Variants in FRMD4B observed in about 807,000 individuals in gnomAD.
FRMD4B encodes the protein FERM domain containing 4B.
In FRMD4B, 74 loss-of-function variants were observed where a neutral mutation model predicts 141.5. That is an observed-to-expected ratio of 0.52 (90% CI 0.43 to 0.63). The LOEUF (loss-of-function observed/expected upper bound fraction) is 0.63, where lower values mean the gene tolerates loss of function less well. Among genes scored for constraint, FRMD4B ranks in the 30% least tolerant of loss-of-function variants. FRMD4B has a pLI of 0.00. For missense variants in FRMD4B, 1,366 were observed against 1,253.4 expected (o/e 1.09, Z -1.36); for synonymous variants, 506 against 467.9 (o/e 1.08, Z -1.05).
chr3:69,245,814 C>T (rs1041284452), intron 7 of FRMD4B, among the ~76,000 whole-genome samples: 7 of 148,174 alleles, frequency 4.7e-5, no homozygotes, highest in African/African-American at 1.5e-4. Context: ...CAGGCGTCTG[C>T]GAACGTGCCA....
intron 2 of FRMD4B, among the ~76,000 whole-genome samples, chr3:69,394,991 G>T (rs1021433467): frequency 3.3e-5 from 5 of 152,078 alleles, no homozygotes; most frequent in African/African-American, 1.2e-4. Flanking sequence ...ACGGGGAGGA[G>T]AACATCACAC....
chr3:69,519,408 C>A (rs550815717), intron 1 of FRMD4B, among the ~76,000 whole-genome samples: 26 of 152,086 alleles, frequency 1.7e-4, no homozygotes, highest in African/African-American at 6.0e-4. Context: ...GTGTGTGTGG[C>A]GGGAGCTGGT....
intron 1 of FRMD4B, among the ~76,000 whole-genome samples, chr3:69,336,281 C>T (rs1360235803): frequency 6.6e-6 from 1 of 152,154 alleles, no homozygotes; most frequent in Admixed American, 6.5e-5. Flanking sequence ...CAACTGGAGC[C>T]TGTTAGGAAT....
At chr3:69,391,405 C>G (rs1436351603) in intron 2 of FRMD4B, among the ~76,000 whole-genome samples, 2 of 125,632 alleles carry the variant, frequency 1.6e-5, no homozygotes, top group Admixed American at 8.7e-5. Flanking sequence ...CCCCTCCCCC[C>G]ACCCCACGAC....
intron 1 of FRMD4B, among the ~76,000 whole-genome samples, chr3:69,438,602 G>A (rs1705296706): frequency 6.6e-6 from 1 of 152,160 alleles, no homozygotes; most frequent in African/African-American, 2.4e-5. Flanking sequence ...GGCAGAGGAT[G>A]CTACAAGGGG....
intron 1 of FRMD4B, among the ~76,000 whole-genome samples, chr3:69,445,802 G>C (rs979424423): frequency 2.0e-5 from 3 of 152,080 alleles, no homozygotes; most frequent in African/African-American, 7.2e-5. Context: ...ATCCTAAATA[G>C]TATTAAGCTA....
rs150087669 is a variant in FRMD4B at position 69,465,994 on chromosome 3, T to A, written c.-128-33233A>T. On this transcript the variant is annotated intron_variant, in intron 1 of 5. Coordinates refer to the FRMD4B transcript ENST00000459638. ...TGTCTTCCACAAATAGTTGAACTAA[T>A]TTGCATTCCCACCAACAGTGTAAAA... 2.0e-4 allele frequency among the ~76,000 whole-genome samples: 30 copies of A among 152,348 alleles called. No individual in the cohort carries two copies. In the East Asian group the frequency reaches 5.8e-3, roughly 29 times the overall value.
At chr3:69,451,241 T>C (rs1420130232) in intron 1 of FRMD4B, among the ~76,000 whole-genome samples, 17 of 151,696 alleles carry the variant, frequency 1.1e-4, no homozygotes, top group Admixed American at 1.1e-3. Flanking sequence ...ACTGTCCTGC[T>C]GCGATCTCTT....
intron 2 of FRMD4B, among the ~76,000 whole-genome samples, chr3:69,398,685 G>C (rs1447937854): frequency 6.6e-6 from 1 of 152,188 alleles, no homozygotes; most frequent in Non-Finnish European, 1.5e-5. Flanking sequence ...ACCTGGCTAA[G>C]GCAGTGAGTG....
chr3:69,289,721 C>T (rs895645994), intron 4 of FRMD4B, among the ~76,000 whole-genome samples: 1 of 152,192 alleles, frequency 6.6e-6, no homozygotes. Context: ...ATCACTTGAG[C>T]CTGGAAGGTG....
intron 11 of FRMD4B, among the ~76,000 whole-genome samples, chr3:69,202,417 A>AT (rs2092977759): frequency 6.6e-6 from 1 of 151,622 alleles, no homozygotes; most frequent in Non-Finnish European, 1.5e-5. Context: ...TACACTTGTA[A>AT]TTTTCATATT....
In FRMD4B at chr3:69,238,937, G is replaced by A. The variant is rs572106615; in HGVS notation, c.581+10289C>T. Among the ~76,000 whole-genome samples, 7 of 152,290 alleles carry A rather than the reference G, an allele frequency of 4.6e-5. No homozygotes were observed. In the South Asian group the frequency reaches 1.5e-3, roughly 32 times the overall value. On this transcript the variant is annotated intron_variant, in intron 7 of 22. Transcript: ENST00000398540. Reference sequence around the variant, plus strand: ...TCCTAAAGGGGTGATCTGGGTTAGAGTTGGCAGATTTAATATATTGGACAT... The same window carrying A: ...TCCTAAAGGGGTGATCTGGGTTAGAATTGGCAGATTTAATATATTGGACAT...
At chr3:69,183,474 ATTTTT>A (rs771537044) in intron 19 of FRMD4B, among the ~76,000 whole-genome samples, 59 of 113,270 alleles carry the variant, frequency 5.2e-4, no homozygotes, top group African/African-American at 2.0e-3. Flanking sequence ...TTAGAAGTTA[ATTTTT>A]TTTTTTTTTT....
At chr3:69,232,914 GTTT>G (rs58551547) in intron 7 of FRMD4B, among the ~76,000 whole-genome samples, 1 of 128,818 alleles carries the variant, frequency 7.8e-6, no homozygotes, top group Non-Finnish European at 1.6e-5. Context: ...TTTGTTGTTT[GTTT>G]TTTTTTTTTT....
At chr3:69,208,459 C>T (rs2093045353) in intron 11 of FRMD4B, among the ~76,000 whole-genome samples, 1 of 151,664 alleles carries the variant, frequency 6.6e-6, no homozygotes, top group African/African-American at 2.4e-5. Context: ...GTCGGCTTCC[C>T]AAAGTGCTGG....
chr3:69,353,726 C>T (rs1002773306), intron 1 of FRMD4B: 1 of 983,308 alleles, frequency 1.0e-6, no homozygotes, highest in African/African-American at 1.7e-5. Context: ...ACTCCCGACG[C>T]CTTCCGCTGC....
chr3:69,179,910 G>A (rs2092686871), intron 21 of FRMD4B, among the ~76,000 whole-genome samples: 1 of 152,052 alleles, frequency 6.6e-6, no homozygotes, highest in African/African-American at 2.4e-5. Context: ...CATACACAGA[G>A]CCTCCCCTAT....
At chr3:69,241,839 A>T (rs2093386554) in intron 7 of FRMD4B, among the ~76,000 whole-genome samples, 1 of 152,134 alleles carries the variant, frequency 6.6e-6, no homozygotes, top group African/African-American at 2.4e-5. Context: ...ACTGCACTCC[A>T]GCCTGGGCAA....
At chr3:69,232,914 GTTTTT>G (rs58551547) in intron 7 of FRMD4B, among the ~76,000 whole-genome samples, 39,738 of 128,788 alleles carry the variant, frequency 0.31, 5,991 homozygotes, top group African/African-American at 0.43. Context: ...TTTGTTGTTT[GTTTTT>G]TTTTTTTTTT....
Sources: allele counts gnomAD v4.1 joint callset (sites outside exome capture counted in the v4.1 genomes callset), GRCh38; gene constraint gnomAD v4.1.1; transcripts MANE v1.5; gene names NCBI Gene and HGNC (gene_info 2026-07-23, HGNC 2026-07-21).